CXADR: variants seen among roughly 807,000 people sequenced by gnomAD.
The protein encoded by CXADR is coxsackievirus and adenovirus receptor.
A neutral mutation model predicts 40.3 loss-of-function variants in CXADR; 20 were observed. The observed-to-expected ratio is 0.50, with a 90% CI of 0.35 to 0.72. The LOEUF is 0.72. CXADR is among the 30% of genes least tolerant of loss of function. The probability of loss-of-function intolerance (pLI) is 0.01; values close to 1 mark genes in which losing one functional copy is unlikely to be tolerated. For synonymous variants in CXADR, 150 were observed against 161.3 expected (o/e 0.93, Z 0.53); for missense variants, 332 against 449.1 (o/e 0.74, Z 2.36).
the CXADR span, among the ~76,000 whole-genome samples, chr21:17,602,748 G>A: frequency 2.0e-5 from 3 of 152,070 alleles, no homozygotes; most frequent in African/African-American, 7.2e-5. Flanking sequence ...TTTCCTACCA[G>A]GCATCATCAA....
intron 1 of CXADR, among the ~76,000 whole-genome samples, chr21:17,541,010 C>T (rs1450452693): frequency 6.6e-6 from 1 of 152,098 alleles, no homozygotes; most frequent in Non-Finnish European, 1.5e-5. Flanking sequence ...CAAAATCGAG[C>T]AGAAAGTACA....
At chr21:17,559,934 C>T (rs190808630) in intron 4 of CXADR, among the ~76,000 whole-genome samples, 292 of 150,998 alleles carry the variant, frequency 1.9e-3, no homozygotes, top group African/African-American at 6.6e-3. Flanking sequence ...CCACCTCAGC[C>T]TCCCAAAGTA....
chr21:17,625,614 T>G, the CXADR span, among the ~76,000 whole-genome samples: 1 of 152,212 alleles, frequency 6.6e-6, no homozygotes, highest in African/African-American at 2.4e-5. Flanking sequence ...CTGATAAACT[T>G]TTTATTAATC....
the CXADR span, among the ~76,000 whole-genome samples, chr21:17,603,333 GCTCCTTTT>G: frequency 6.6e-6 from 1 of 152,116 alleles, no homozygotes; most frequent in Non-Finnish European, 1.5e-5. Flanking sequence ...GAGATAGCTT[GCTCCTTTT>G]CTACCCGAGA....
the CXADR span, among the ~76,000 whole-genome samples, chr21:17,609,628 C>T: frequency 6.6e-6 from 1 of 152,210 alleles, no homozygotes; most frequent in East Asian, 1.9e-4. Context: ...AAAGGTTAAA[C>T]ACAGAGTTAT....
chr21:17,534,375 G>A (rs1368546051), intron 1 of CXADR, among the ~76,000 whole-genome samples: 2 of 152,024 alleles, frequency 1.3e-5, no homozygotes, highest in Middle Eastern at 3.4e-3. Flanking sequence ...GATTACAGGC[G>A]TGAGCCACGG....
intron 1 of CXADR, among the ~76,000 whole-genome samples, chr21:17,519,509 C>T (rs1014858931): frequency 2.0e-5 from 3 of 152,314 alleles, no homozygotes; most frequent in African/African-American, 7.2e-5. Context: ...TTTTCTCCTG[C>T]TTCAGTTGCC....
the CXADR span, among the ~76,000 whole-genome samples, chr21:17,600,293 G>A: frequency 1.4e-4 from 22 of 152,068 alleles, no homozygotes; most frequent in Admixed American, 1.4e-3. Context: ...TCAGGACAAA[G>A]GATATTGTTA....
the CXADR span, among the ~76,000 whole-genome samples, chr21:17,636,057 G>T: frequency 6.6e-6 from 1 of 152,148 alleles, no homozygotes; most frequent in Non-Finnish European, 1.5e-5. Flanking sequence ...TGATGCCACT[G>T]TACATGGCAA....
In CXADR at chr21:17,567,284, A is replaced by T. The variant is rs1397550372; in HGVS notation, c.*1592A>T. 6.1e-6 allele frequency: 6 copies of T among 985,318 alleles called. No homozygotes were observed. The highest frequency in any genetic ancestry group is 7.2e-6 in the Non-Finnish European group (6 of 829,928). 61.0% of individuals were successfully genotyped at this position (985,318 alleles called of 1,614,324 possible). ...TTAGAGTATTGTGTGTACACTTTTT[A>T]ATGGTAAACTTAAGCTGAATGTGTA... On this transcript the variant is annotated 3_prime_UTR_variant, in exon 7 of 7. Transcript: ENST00000284878.
At chr21:17,620,269 AG>A in the CXADR span, among the ~76,000 whole-genome samples, 1 of 152,158 alleles carries the variant, frequency 6.6e-6, no homozygotes, top group South Asian at 2.1e-4. Flanking sequence ...AGGCCATTGT[AG>A]GGTTATTAAT....
chr21:17,517,449 C>T (rs1394027937), intron 1 of CXADR, among the ~76,000 whole-genome samples: 6 of 152,146 alleles, frequency 3.9e-5, no homozygotes, highest in Non-Finnish European at 7.3e-5. Context: ...CCTCCTAGGG[C>T]CAGTACCATT....
intron 1 of CXADR, chr21:17,518,741 T>TA (rs2060492138): frequency 7.5e-6 from 12 of 1,593,482 alleles, no homozygotes; most frequent in African/African-American, 1.3e-5. Context: ...GCATGACCAG[T>TA]AATTGCAAAG....
downstream of CXADR, among the ~76,000 whole-genome samples, chr21:17,594,769 T>C (rs2061482748): frequency 6.6e-6 from 1 of 151,322 alleles, no homozygotes; most frequent in Non-Finnish European, 1.5e-5. Flanking sequence ...CCGCATGTTC[T>C]CACTTATAAG....
chr21:17,629,387 C>CAA, the CXADR span, among the ~76,000 whole-genome samples: 2,848 of 80,406 alleles, frequency 0.035, 90 homozygotes, highest in East Asian at 0.21. Context: ...GACTGTGTCT[C>CAA]AAAAAAAAAA....
exon 8 of CXADR, chr21:17,593,375 G>A (rs776194058): frequency 4.7e-5 from 22 of 468,988 alleles, no homozygotes; most frequent in Non-Finnish European, 6.9e-5. Context: ...AAATTAGTAC[G>A]AGCCAAATTC....
downstream of CXADR, among the ~76,000 whole-genome samples, chr21:17,595,079 T>G (rs556882732): frequency 1.3e-5 from 2 of 151,946 alleles, no homozygotes; most frequent in African/African-American, 4.8e-5. Flanking sequence ...ATCTCAGAAC[T>G]AGAGGCCAGG....
intron 1 of CXADR, among the ~76,000 whole-genome samples, chr21:17,543,444 A>G (rs899210756): frequency 7.2e-5 from 11 of 152,196 alleles, no homozygotes; most frequent in Non-Finnish European, 1.5e-4. Flanking sequence ...GTTATTTAAC[A>G]TTTTTATTTG....
intron 1 of CXADR, chr21:17,518,544 C>G (rs2060489713): frequency 9.6e-7 from 1 of 1,042,290 alleles, no homozygotes; most frequent in African/African-American, 1.6e-5. Context: ...TCTTTGATGC[C>G]TCATCAAAAT....
Sources: gnomAD v4.1 joint callset for allele counts (sites outside exome capture counted in the v4.1 genomes callset) on GRCh38, gnomAD v4.1.1 for gene constraint, MANE v1.5 for transcripts, NCBI Gene and HGNC (gene_info 2026-07-23, HGNC 2026-07-21) for gene names.